Variants in MAGI3 observed in about 807,000 individuals in gnomAD.
The protein encoded by MAGI3 is membrane associated guanylate kinase, WW and PDZ domain containing 3.
MAGI3 carries 43 observed loss-of-function variants against 121.8 expected under a neutral mutation model. That is an observed-to-expected ratio of 0.35 (90% CI 0.28 to 0.46). The LOEUF (loss-of-function observed/expected upper bound fraction) is 0.46. MAGI3 is among the 20% of genes least tolerant of loss of function. The pLI, the probability that MAGI3 is intolerant of heterozygous loss-of-function variation, is 1.00. For synonymous variants in MAGI3, 553 were observed against 639.3 expected, an observed-to-expected ratio of 0.86 and a Z score of 2.04; for missense variants, 1,547 against 1,797.3, an observed-to-expected ratio of 0.86 and a Z score of 2.52.
At position 113,604,976 on chromosome 1, in the gene MAGI3, A is replaced by G. The variant is rs149463515; in HGVS notation, c.1019-9625A>G. ...TATACCCTGATATAAATATACATAT[A>G]TAATATATAATATATGTAATATTAT... On this transcript the variant is annotated intron_variant, in intron 6 of 20. Transcript: ENST00000307546. 7.9e-3 allele frequency among the ~76,000 whole-genome samples: 1,177 copies of G among 149,822 alleles called. 9 individuals carry two copies. The highest frequency in any genetic ancestry group is 0.014 in the Middle Eastern group (4 of 280).
intron 1 of MAGI3, among the ~76,000 whole-genome samples, chr1:113,428,641 C>T (rs1483531476): frequency 6.6e-6 from 1 of 152,054 alleles, no homozygotes; most frequent in African/African-American, 2.4e-5. Flanking sequence ...TTATTGAGCC[C>T]TACCTGTGAA....
In MAGI3 at chr1:113,390,906, G is replaced by C; in HGVS notation, c.-128G>C. The C allele has an allele frequency of 1.7e-6, 1 of 597,970 alleles. No homozygotes were observed. Among genetic ancestry groups the C allele is most frequent in the Non-Finnish European group, 2.3e-6 (1 of 427,372 alleles). The allele number at this position is 597,970 out of a possible 1,614,324, so 37.0% of individuals were successfully genotyped here. On this transcript the variant is annotated 5_prime_UTR_variant, in exon 1 of 21. Coordinates refer to ENST00000307546, the MANE Select transcript of MAGI3 (RefSeq NM_001142782.2). ...CCAGCGGGCTGTGGTCGCGGGGTGG[G>C]GGCCGGAGCGGCGAGGCCCCCCTTA...
Position 113,491,345 on chromosome 1 carries a change from A to G in MAGI3, c.317-58170A>G, listed in dbSNP as rs149631687. ...TGAAACTAATGAGAACAAAGAGACA[A>G]CATACCAGAATCTGTGGGATACAGC... On this transcript the variant is annotated intron_variant, in intron 1 of 20. Coordinates refer to ENST00000307546, the MANE Select transcript of MAGI3 (RefSeq NM_001142782.2). Among the ~76,000 whole-genome samples the G allele has an allele frequency of 1.5e-4, 23 of 152,342 alleles. No individual in the cohort carries two copies. In the East Asian group the frequency reaches 4.2e-3, roughly 28 times the overall value.
At chr1:113,681,453 C>A in intron 20 of MAGI3, 117 bp downstream of exon 20, 1 of 1,118,426 alleles carries the variant, frequency 8.9e-7, no homozygotes, top group Non-Finnish European at 1.2e-6. Context: ...GAGGTGAATG[C>A]TAGAACCATG....
chr1:113,396,757 T>C (rs1385951967), intron 1 of MAGI3, among the ~76,000 whole-genome samples: 1 of 152,216 alleles, frequency 6.6e-6, no homozygotes, highest in East Asian at 1.9e-4. Flanking sequence ...GCACTGGCGA[T>C]ATAAACATGA....
intron 13 of MAGI3, among the ~76,000 whole-genome samples, chr1:113,649,929 T>G (rs1309875242): frequency 1.3e-5 from 2 of 152,228 alleles, no homozygotes; most frequent in Non-Finnish European, 2.9e-5. Context: ...CACATAAACT[T>G]GTTTTAGAGA....
intron 16 of MAGI3, among the ~76,000 whole-genome samples, chr1:113,660,482 A>G (rs939971512): frequency 1.3e-5 from 2 of 151,852 alleles, no homozygotes; most frequent in African/African-American, 2.4e-5. Flanking sequence ...TTCCCCCGCA[A>G]CCGCAACTCC....
chr1:113,671,977 G>A, intron 17 of MAGI3, 141 bp downstream of exon 17: 1 of 733,634 alleles, frequency 1.4e-6, no homozygotes, highest in Middle Eastern at 3.6e-4. Context: ...GACAACTCTT[G>A]CCTGTTCCTC....
chr1:113,564,726 G>A (rs369254016), intron 2 of MAGI3, among the ~76,000 whole-genome samples: 1 of 151,654 alleles, frequency 6.6e-6, no homozygotes, highest in Non-Finnish European at 1.5e-5. Context: ...ATGAATGGAA[G>A]CATTAACACA....
At chr1:113,407,216 T>C (rs1651727972) in intron 1 of MAGI3, among the ~76,000 whole-genome samples, 1 of 151,950 alleles carries the variant, frequency 6.6e-6, no homozygotes, top group African/African-American at 2.4e-5. Flanking sequence ...AGGGCAAGAG[T>C]GGAAGAAGGG....
intron 1 of MAGI3, among the ~76,000 whole-genome samples, chr1:113,439,604 A>G (rs544820498): frequency 2.0e-5 from 3 of 152,266 alleles, no homozygotes; most frequent in African/African-American, 7.2e-5. Flanking sequence ...GAGAACATAA[A>G]TGGATTATTT....
At chr1:113,426,831 G>T (rs1653031432) in intron 1 of MAGI3, among the ~76,000 whole-genome samples, 1 of 151,870 alleles carries the variant, frequency 6.6e-6, no homozygotes, top group Non-Finnish European at 1.5e-5. Context: ...TTTTTTGTAT[G>T]CATGCTGCCA....
intron 1 of MAGI3, among the ~76,000 whole-genome samples, chr1:113,495,220 T>A (rs1029841265): frequency 6.6e-5 from 10 of 152,148 alleles, no homozygotes; most frequent in Admixed American, 1.3e-4. Flanking sequence ...AATTTTTTTT[T>A]AAAACCCATT....
chr1:113,477,070 A>G (rs1553189892), intron 1 of MAGI3, among the ~76,000 whole-genome samples: 2 of 146,280 alleles, frequency 1.4e-5, no homozygotes, highest in East Asian at 2.0e-4. Context: ...TTTGCTTTCC[A>G]TTTGCTTGAT....
At chr1:113,420,356 T>TG (rs1366345754) in intron 1 of MAGI3, among the ~76,000 whole-genome samples, 5 of 152,212 alleles carry the variant, frequency 3.3e-5, no homozygotes, top group Non-Finnish European at 7.3e-5. Context: ...CATTAGTTGC[T>TG]GTATTGCTTT....
At chr1:113,515,611 A>C (rs1657859693) in intron 1 of MAGI3, among the ~76,000 whole-genome samples, 1 of 152,142 alleles carries the variant, frequency 6.6e-6, no homozygotes, top group African/African-American at 2.4e-5. Flanking sequence ...CATTGGGTTC[A>C]GAGAGAGAAG....
intron 1 of MAGI3, among the ~76,000 whole-genome samples, chr1:113,536,419 G>C (rs765758967): frequency 4.6e-5 from 7 of 152,008 alleles, no homozygotes; most frequent in Non-Finnish European, 1.0e-4. Context: ...GTATAATGCT[G>C]TCTCAGTTCC....
chr1:113,452,908 G>A (rs1304920277), intron 1 of MAGI3, among the ~76,000 whole-genome samples: 2 of 152,120 alleles, frequency 1.3e-5, no homozygotes, highest in African/African-American at 2.4e-5. Context: ...AAGCAATATA[G>A]CAGGAAATCT....
At chr1:113,604,348 C>T (rs910399996) in intron 6 of MAGI3, among the ~76,000 whole-genome samples, 8 of 151,868 alleles carry the variant, frequency 5.3e-5, no homozygotes, top group Non-Finnish European at 8.8e-5. Flanking sequence ...GCGGGCAGAT[C>T]ACAAGGTCAA....
Sources: allele counts gnomAD v4.1 joint callset (sites outside exome capture counted in the v4.1 genomes callset), GRCh38; gene constraint gnomAD v4.1.1; transcripts MANE v1.5; gene names NCBI Gene and HGNC (gene_info 2026-07-23, HGNC 2026-07-21).